WDR17: variants seen among roughly 807,000 people sequenced by gnomAD.
WDR17 encodes WD repeat domain 17.
WDR17 carries 143 observed loss-of-function variants against 161.7 expected under a neutral mutation model. That is an observed-to-expected ratio of 0.88 (90% CI 0.77 to 1.02). The LOEUF (loss-of-function observed/expected upper bound fraction) is 1.02. Among genes scored for constraint, WDR17 ranks in the 50% least tolerant of loss-of-function variants. The pLI, the probability that WDR17 is intolerant of heterozygous loss-of-function variation, is 0.00. For missense variants in WDR17, 1,469 were observed against 1,520.9 expected, an observed-to-expected ratio of 0.97 and a Z score of 0.57; for synonymous variants, 517 against 515.6, an observed-to-expected ratio of 1.00 and a Z score of -0.04.
chr4:176,071,509 G>T (rs989640942), intron 1 of WDR17, among the ~76,000 whole-genome samples: 1 of 152,038 alleles, frequency 6.6e-6, no homozygotes, highest in African/African-American at 2.4e-5. Context: ...TTTTAGTAGA[G>T]ACGGGGTTTC....
intron 20 of WDR17, among the ~76,000 whole-genome samples, chr4:176,161,769 C>T (rs1749067024): frequency 6.6e-6 from 1 of 152,106 alleles, no homozygotes; most frequent in South Asian, 2.1e-4. Flanking sequence ...TCAATTTGAC[C>T]TGTAATTCTT....
chr4:176,100,809 C>T (rs759830030), intron 1 of WDR17, among the ~76,000 whole-genome samples: 5 of 151,958 alleles, frequency 3.3e-5, no homozygotes, highest in Non-Finnish European at 7.4e-5. Context: ...ATATGGATGT[C>T]TAATTTTTCC....
At chr4:176,163,446 A>G (rs1008195146) in intron 22 of WDR17, among the ~76,000 whole-genome samples, 153 bp downstream of exon 22, 7 of 152,192 alleles carry the variant, frequency 4.6e-5, no homozygotes, top group African/African-American at 1.4e-4. Flanking sequence ...TGATATAACA[A>G]TGTCATAATG....
intron 1 of WDR17, among the ~76,000 whole-genome samples, chr4:176,078,723 TG>T (rs1734370539): frequency 6.6e-6 from 1 of 152,130 alleles, no homozygotes; most frequent in African/African-American, 2.4e-5. Flanking sequence ...ATCTTTGTCA[TG>T]GGCTTTTTGT....
At chr4:176,098,730 G>C (rs1299523988) in intron 1 of WDR17, among the ~76,000 whole-genome samples, 1 of 151,710 alleles carries the variant, frequency 6.6e-6, no homozygotes, top group East Asian at 1.9e-4. Flanking sequence ...ATGTAATTCA[G>C]ATTTTAAATG....
intron 1 of WDR17, among the ~76,000 whole-genome samples, chr4:176,093,863 A>T (rs909664731): frequency 5.1e-4 from 77 of 152,346 alleles, no homozygotes; most frequent in African/African-American, 1.7e-3. Context: ...AGTATTTTTT[A>T]TGCAAGATAA....
chr4:176,091,608 A>G (rs1036322420), intron 1 of WDR17, among the ~76,000 whole-genome samples: 1 of 152,152 alleles, frequency 6.6e-6, no homozygotes, highest in Non-Finnish European at 1.5e-5. Flanking sequence ...AGCAAACCAA[A>G]CCCAGAATTA....
At position 176,115,925 on chromosome 4, in the gene WDR17, A is replaced by G. The variant is rs971964474; in HGVS notation, c.253A>G (p.Ile85Val). Residue 85 changes from isoleucine (I) to valine (V), a missense_variant, in exon 3 of 29, where the codon ATC becomes GTC. Physicochemically the swap from Ile to Val is conservative, Grantham distance 29. Transcript: ENST00000508596. ...FASGSTDNLV[I>V]IWNVAEQKVI... ...AAGTGGCAGTACTGATAATTTAGTG[A>G]TCATTTGGAATGTTGCAGAACAAAA... 5.0e-6 allele frequency: 8 copies of G among 1,610,666 alleles called. No individual in the cohort carries two copies. The highest frequency in any genetic ancestry group is 6.8e-6 in the Non-Finnish European group (8 of 1,178,198).
At chr4:176,141,728 C>T (rs1745295809) in intron 10 of WDR17, among the ~76,000 whole-genome samples, 4 of 152,086 alleles carry the variant, frequency 2.6e-5, no homozygotes, top group Admixed American at 6.6e-5. Flanking sequence ...CCACCGTGCC[C>T]GGCCAAGAAA....
chr4:176,124,184 A>C (rs1331868217), intron 4 of WDR17, among the ~76,000 whole-genome samples: 10 of 152,162 alleles, frequency 6.6e-5, no homozygotes, highest in Admixed American at 6.5e-4. Context: ...CTTATGACTA[A>C]TTGGTACTTT....
intron 5 of WDR17, 21 bp from the exon 6 acceptor site, chr4:176,128,717 C>G: frequency 6.3e-7 from 1 of 1,586,728 alleles, no homozygotes. Context: ...TTAAAATGTG[C>G]TTTTTCCCTG....
intron 1 of WDR17, among the ~76,000 whole-genome samples, chr4:176,076,254 T>TATATACAC (rs1484407765): frequency 1.7e-5 from 1 of 59,510 alleles, no homozygotes; most frequent in African/African-American, 4.4e-5. Flanking sequence ...TATATATATA[T>TATATACAC]ACACACACAC....
In WDR17 at chr4:176,133,168, A is replaced by AG. The variant is rs201498545; in HGVS notation, c.1098+1430_1098+1431insG. Among the ~76,000 whole-genome samples, 3 of 144,208 alleles carry AG rather than the reference A, an allele frequency of 2.1e-5. No homozygotes were observed. The East Asian group carries it at 5.9e-4, about 28-fold the overall frequency. The allele number at this position is 144,208 out of a possible 152,430, so 94.6% of individuals were successfully genotyped here. A position where few individuals can be genotyped will look rare whatever the true frequency, so the allele number is the denominator to read the frequency against. Reference sequence around the variant, plus strand: ...TATATACCATTCGAAGAAAAAAAAAACAATTTTTTATTTTTATTTTTTTTT... The same window carrying AG: ...TATATACCATTCGAAGAAAAAAAAAAGCAATTTTTTATTTTTATTTTTTTTT... On this transcript the variant is annotated intron_variant, in intron 7 of 28. Coordinates refer to ENST00000508596, the MANE Select transcript of WDR17 (RefSeq NM_181265.4).
At chr4:176,127,401 C>A (rs745378823) in intron 5 of WDR17, among the ~76,000 whole-genome samples, 43 of 151,632 alleles carry the variant, frequency 2.8e-4, no homozygotes, top group Non-Finnish European at 5.9e-4. Context: ...AAGTGATTAT[C>A]CTGCCTCAGC....
chr4:176,124,178 T>C (rs1320185255), intron 4 of WDR17, among the ~76,000 whole-genome samples: 4 of 152,232 alleles, frequency 2.6e-5, no homozygotes, highest in Non-Finnish European at 4.4e-5. Context: ...ACGATACTTA[T>C]GACTAATTGG....
intron 15 of WDR17, 64 bp downstream of exon 15, chr4:176,150,237 T>C: frequency 6.3e-7 from 1 of 1,581,914 alleles, no homozygotes; most frequent in Non-Finnish European, 8.6e-7. Context: ...ATTACAACTA[T>C]TTTTATTCAC....
chr4:176,066,592 T>C (rs1386239012), intron 1 of WDR17, among the ~76,000 whole-genome samples: 3 of 152,180 alleles, frequency 2.0e-5, no homozygotes, highest in Non-Finnish European at 2.9e-5. Context: ...ATAGAATCTT[T>C]GCTGTCCTCC....
intron 4 of WDR17, among the ~76,000 whole-genome samples, chr4:176,121,562 G>A (rs959814132): frequency 6.6e-6 from 1 of 152,128 alleles, no homozygotes; most frequent in Non-Finnish European, 1.5e-5. Flanking sequence ...GATATGAGGA[G>A]TGTGTTTTTA....
At chr4:176,088,187 A>C (rs1735665590) in intron 1 of WDR17, among the ~76,000 whole-genome samples, 1 of 152,048 alleles carries the variant, frequency 6.6e-6, no homozygotes, top group Non-Finnish European at 1.5e-5. Context: ...TCTGGTAAAA[A>C]TACTTCCTTT....
Sources: gnomAD v4.1 joint callset for allele counts (sites outside exome capture counted in the v4.1 genomes callset) on GRCh38, gnomAD v4.1.1 for gene constraint, MANE v1.5 for transcripts, NCBI Gene and HGNC (gene_info 2026-07-23, HGNC 2026-07-21) for gene names.